The following PTPRS variants were observed in gnomAD, a reference collection of about 807,000 sequenced individuals.
PTPRS encodes protein tyrosine phosphatase receptor type S.
In PTPRS, 63 loss-of-function variants were observed where a neutral mutation model predicts 215.3. The ratio of observed to expected loss-of-function variants is 0.29; its 90% CI spans 0.24 to 0.36. The LOEUF is 0.36. Among genes scored for constraint, PTPRS ranks in the 10% least tolerant of loss-of-function variants. The pLI, the probability that PTPRS is intolerant of heterozygous loss-of-function variation, is 1.00. For missense variants in PTPRS, 2,258 were observed against 2,825.8 expected, an observed-to-expected ratio of 0.80 and a Z score of 4.56; for synonymous variants, 1,404 against 1,191.4, an observed-to-expected ratio of 1.18 and a Z score of -3.68.
At position 5,257,072 on chromosome 19, in the gene PTPRS, G is replaced by A. The variant is rs962090971; in HGVS notation, c.706+945C>T. On this transcript the variant is annotated intron_variant, in intron 8 of 37. Transcript: ENST00000262963. The surrounding 1 kb of genome is among the most constrained non-coding windows in gnomAD (Gnocchi z 4.4). Reference sequence around the variant, plus strand: ...TCTACCACAAATCTGATCAGAAACAGCGACTAGGAGGTGAAAGGGAGGAGG... The same window carrying A: ...TCTACCACAAATCTGATCAGAAACAACGACTAGGAGGTGAAAGGGAGGAGG... Among the ~76,000 whole-genome samples, 2 of 151,212 alleles carry A rather than the reference G, an allele frequency of 1.3e-5. No individual in the cohort carries two copies. The highest frequency in any genetic ancestry group is 2.9e-5 in the Non-Finnish European group (2 of 67,832).
chr19:5,213,605 T>C (rs1961585359), intron 30 of PTPRS, among the ~76,000 whole-genome samples: 1 of 152,204 alleles, frequency 6.6e-6, no homozygotes, highest in Non-Finnish European at 1.5e-5. Context: ...GTCCCTGTTG[T>C]GTGCTTGTGT....
intron 1 of PTPRS, chr19:5,292,897 G>A (rs1482613052): frequency 6.6e-6 from 1 of 152,174 alleles, no homozygotes; most frequent in African/African-American, 2.4e-5. Flanking sequence ...GGCGGGGGAG[G>A]GGACCCTGCG....
intron 9 of PTPRS, among the ~76,000 whole-genome samples, chr19:5,246,919 G>A (rs559626467): frequency 3.9e-5 from 6 of 152,176 alleles, no homozygotes; most frequent in South Asian, 2.1e-4. Context: ...GAGAGCGAGC[G>A]AGAGACAGAG....
chr19:5,289,957 G>A (rs1339952713), intron 1 of PTPRS, among the ~76,000 whole-genome samples: 1 of 152,242 alleles, frequency 6.6e-6, no homozygotes, highest in Non-Finnish European at 1.5e-5. Flanking sequence ...AAGGCAGCCT[G>A]GGCCACCAGC....
At position 5,339,508 on chromosome 19, in the gene PTPRS, G is replaced by A. The variant is rs1249552461; in HGVS notation, c.-95+1156C>T. Among the ~76,000 whole-genome samples, 1 of 151,960 alleles carries A rather than the reference G, an allele frequency of 6.6e-6. No homozygotes were observed. Among genetic ancestry groups the A allele is most frequent in the Admixed American group, 6.5e-5 (1 of 15,270 alleles). On this transcript the variant is annotated intron_variant, in intron 1 of 37. Coordinates refer to ENST00000262963, the MANE Select transcript of PTPRS (RefSeq NM_002850.4). This position sits in a 1 kb window ranked among gnomAD's most constrained non-coding sequence, Gnocchi z 4.2. ...GATTCTGGAGAGAAAGCGGCCGAAG[G>A]GGAGTTCCCCAATTTGGGAAGGGGG...
chr19:5,240,346 G>A lies in PTPRS; in HGVS notation c.1571-14C>T, dbSNP rs1401791638. 6.3e-7 allele frequency: 1 copy of A among 1,577,882 alleles called. No homozygotes were observed. Among genetic ancestry groups the A allele is most frequent in the Non-Finnish European group, 8.6e-7 (1 of 1,163,084 alleles). On this transcript the variant is annotated splice_polypyrimidine_tract_variant and intron_variant, in intron 11 of 37. Coordinates refer to ENST00000262963, the MANE Select transcript of PTPRS (RefSeq NM_002850.4). ...GCTGGCCCGGCACTGTGGGGGTGCAGGGAGACAACTAGGAGTCGGGGAGCG... is the reference window on the plus strand; with the variant it reads ...GCTGGCCCGGCACTGTGGGGGTGCAAGGAGACAACTAGGAGTCGGGGAGCG...
chr19:5,260,311 C>T (rs2238637), intron 7 of PTPRS, among the ~76,000 whole-genome samples: 85,316 of 151,278 alleles, frequency 0.56, 26,515 homozygotes, highest in East Asian at 0.81. Context: ...TCCTGAGTAG[C>T]TGGGATTACA....
chr19:5,340,238 GCCGGGCGCCGCCGGGGCCGGCACCGGCT>G (rs2050647059), intron 1 of PTPRS, among the ~76,000 whole-genome samples: 1 of 149,734 alleles, frequency 6.7e-6, no homozygotes, highest in Non-Finnish European at 1.5e-5. Flanking sequence ...GGGGACCCGG[GCCGGGCGCCGCCGGGGCCGGCACCGGCT>G]CCGCACACAC....
intron 5 of PTPRS, among the ~76,000 whole-genome samples, chr19:5,263,718 C>T (rs908888222): frequency 1.3e-5 from 2 of 152,246 alleles, no homozygotes; most frequent in Non-Finnish European, 2.9e-5. Context: ...TCCCCACGCA[C>T]GAGCACTAGG....
In PTPRS at chr19:5,265,131, T is replaced by C. The variant is rs1568514499; in HGVS notation, c.445A>G (p.Thr149Ala). Reference protein sequence around the residue: ...MGPQLKVVERTRTATMLCAAS... With the variant: ...MGPQLKVVERARTATMLCAAS... ...GCACAGAGCATGGTGGCTGTCCGTG[T>C]CCGCTCCACCACCTTCAACTGTGGG... Residue 149 changes from threonine (T) to alanine (A), a missense_variant, in exon 5 of 38, where the codon ACA (threonine) becomes GCA (alanine). Coordinates refer to ENST00000262963, the MANE Select transcript of PTPRS (RefSeq NM_002850.4). 6.2e-7 allele frequency: 1 copy of C among 1,614,150 alleles called. No homozygotes were observed. The highest frequency in any genetic ancestry group is 1.7e-5 in the Admixed American group (1 of 60,022).
Position 5,262,272 on chromosome 19 carries a change from C to CA in PTPRS, c.577+691dup, listed in dbSNP as rs969338093. On this transcript the variant is annotated intron_variant, in intron 6 of 37. Coordinates refer to ENST00000262963, the MANE Select transcript of PTPRS (RefSeq NM_002850.4). ...CCTGGGTGACAGATTAAGACTGTCT[C>CA]AAAAAAAAAGAAGTCTTTTCAAGTT... Among the ~76,000 whole-genome samples, 9 of 150,092 alleles carry CA rather than the reference C, an allele frequency of 6.0e-5. No homozygotes were observed. In the South Asian group the frequency reaches 6.3e-4, roughly 11 times the overall value.
rs1414400121 is a variant in PTPRS at position 5,284,373 on chromosome 19, A to AT, written c.91+1676dup. ...AGACTCTGTCACAAAAAATTAATTA[A>AT]TTAAAATAAATAAATAAATAAATAA... On this transcript the variant is annotated intron_variant, in intron 2 of 37. Transcript: ENST00000262963. 8.4e-3 allele frequency among the ~76,000 whole-genome samples: 1,161 copies of AT among 137,992 alleles called. 7 individuals carry two copies. The highest frequency in any genetic ancestry group is 0.024 in the African/African-American group (899 of 37,266). 90.5% of individuals were successfully genotyped at this position (137,992 alleles called of 152,430 possible). A position where few individuals can be genotyped will look rare whatever the true frequency, so the allele number is the denominator to read the frequency against.
At chr19:5,329,832 T>C (rs2050268834) in intron 1 of PTPRS, among the ~76,000 whole-genome samples, 1 of 151,586 alleles carries the variant, frequency 6.6e-6, no homozygotes, top group Admixed American at 6.6e-5. Context: ...ATCCCAGCAC[T>C]TTGAGAGGCC....
At position 5,206,234 on chromosome 19, in the gene PTPRS, TTTTGTTTG is replaced by T. The variant is rs138275722; in HGVS notation, c.*532_*539del. ...TTTGAAAGTCATTGACTGGCGAGTC[TTTTGTTTG>T]TTTCTCTTAAAAAAAAAAATGGAAA... On this transcript the variant is annotated 3_prime_UTR_variant, in exon 38 of 38. Transcript: ENST00000262963. 2.7e-5 allele frequency: 6 copies of T among 224,178 alleles called. No homozygotes were observed. The highest frequency in any genetic ancestry group is 1.8e-4 in the South Asian group (1 of 5,416). 13.9% of individuals were successfully genotyped at this position (224,178 alleles called of 1,614,324 possible). A position where few individuals can be genotyped will look rare whatever the true frequency, so the allele number is the denominator to read the frequency against.
At chr19:5,240,358 G>A (rs758181599) in intron 11 of PTPRS, 26 bp from the exon 12 acceptor site, 1 of 1,557,670 alleles carries the variant, frequency 6.4e-7, no homozygotes, top group East Asian at 2.4e-5. Context: ...GAGACAACTA[G>A]GAGTCGGGGA....
chr19:5,327,882 T>C (rs1182782138), intron 1 of PTPRS, among the ~76,000 whole-genome samples: 4 of 152,188 alleles, frequency 2.6e-5, no homozygotes, highest in Admixed American at 2.6e-4. Flanking sequence ...ATTACAGCCA[T>C]GAGTCACCAT....
intron 11 of PTPRS, among the ~76,000 whole-genome samples, chr19:5,240,833 T>C (rs1428897323): frequency 6.7e-6 from 1 of 149,950 alleles, no homozygotes; most frequent in Non-Finnish European, 1.5e-5. Flanking sequence ...AGTGAGACTC[T>C]GTCTCAAAAA....
rs768209839 is a variant in PTPRS, at chr19:5,210,434, T to C, written c.5487+35A>G. ...GCAGCCCTTTCCAGATCACTAAGGC[T>C]CCAGCCCCTCCCGCCAGTCTGTCTC... On this transcript the variant is annotated intron_variant, in intron 35 of 37. Transcript: ENST00000262963. This position sits in a 1 kb window ranked among gnomAD's most constrained non-coding sequence, Gnocchi z 4.5. 7.4e-6 allele frequency: 12 copies of C among 1,613,652 alleles called. No homozygotes were observed. In the South Asian group the frequency reaches 1.2e-4, roughly 16 times the overall value.
At chr19:5,284,323 G>A (rs964390776) in intron 2 of PTPRS, among the ~76,000 whole-genome samples, 3 of 151,278 alleles carry the variant, frequency 2.0e-5, no homozygotes, top group African/African-American at 4.9e-5. Flanking sequence ...CTGCGCCACC[G>A]CACTCCAGCC....
Sources: allele counts gnomAD v4.1 joint callset (sites outside exome capture counted in the v4.1 genomes callset), GRCh38; gene constraint gnomAD v4.1.1; non-coding constraint Gnocchi (gnomAD v3.1); transcripts MANE v1.5; gene names NCBI Gene and HGNC (gene_info 2026-07-23, HGNC 2026-07-21).